The following LRP1B variants were observed in gnomAD, a reference collection of about 807,000 sequenced individuals.
LRP1B encodes the protein low-density lipoprotein receptor-related protein 1B.
LRP1B carries 217 observed loss-of-function variants against 556.6 expected under a neutral mutation model. That is an observed-to-expected ratio of 0.39 (90% CI 0.35 to 0.44). LRP1B has a LOEUF of 0.44. Among genes scored for constraint, LRP1B ranks in the 20% least tolerant of loss-of-function variants. The pLI is 1.00. For missense variants in LRP1B, 5,053 were observed against 5,620.8 expected (o/e 0.90, Z 3.23); for synonymous variants, 2,047 against 1,865.8 (o/e 1.10, Z -2.50).
intron 43 of LRP1B, among the ~76,000 whole-genome samples, chr2:140,555,029 AC>A (rs1453273685): frequency 2.0e-5 from 3 of 151,982 alleles, no homozygotes; most frequent in African/African-American, 7.2e-5. Context: ...TCAAACTCAT[AC>A]CTTTGATAAA....
chr2:140,300,879 CTGAT>C (rs1233678374), intron 83 of LRP1B, among the ~76,000 whole-genome samples: 5 of 152,026 alleles, frequency 3.3e-5, no homozygotes, highest in Non-Finnish European at 7.4e-5. Flanking sequence ...TATTTTAGCT[CTGAT>C]TATTATTATC....
chr2:140,702,622 G>T (rs994371797), intron 37 of LRP1B, 69 bp from the exon 38 acceptor site: 23 of 1,427,376 alleles, frequency 1.6e-5, no homozygotes, highest in South Asian at 1.1e-4. Context: ...TATGCAAAAA[G>T]ACATTACTAA....
At chr2:140,648,228 G>A (rs1684553101) in intron 41 of LRP1B, among the ~76,000 whole-genome samples, 1 of 151,328 alleles carries the variant, frequency 6.6e-6, no homozygotes. Flanking sequence ...TCATATGTGG[G>A]AAGTGAACAA....
chr2:141,529,571 C>T lies in LRP1B; in HGVS notation c.206-49038G>A, dbSNP rs547080739. ...ATTCTTATTCTATCCTTCAGATATT[C>T]CTGAATAATCAAACTGACTTGGATT... On this transcript the variant is annotated intron_variant, in intron 2 of 90. Transcript: ENST00000389484. 2.0e-3 allele frequency among the ~76,000 whole-genome samples: 312 copies of T among 152,208 alleles called. 2 individuals carry two copies. Among genetic ancestry groups the T allele is most frequent in the African/African-American group, 5.7e-3 (235 of 41,550 alleles).
chr2:140,293,965 A>G (rs1683502460), intron 84 of LRP1B, among the ~76,000 whole-genome samples: 1 of 152,196 alleles, frequency 6.6e-6, no homozygotes, highest in South Asian at 2.1e-4. Context: ...ACTAATAGTG[A>G]TAATAAAATT....
At chr2:141,194,899 A>G (rs1320079115) in intron 6 of LRP1B, among the ~76,000 whole-genome samples, 1 of 152,064 alleles carries the variant, frequency 6.6e-6, no homozygotes, top group East Asian at 1.9e-4. Flanking sequence ...ACTGCCCTTT[A>G]ATTTATATCT....
rs778149535 is a variant in LRP1B at position 140,274,611 on chromosome 2, G to T, written c.12968-13C>A. Reference sequence around the variant, plus strand: ...TGGTGGCACACGTCTAGGAAAAAAAGGCACAACAGAAAAATAAAATTATAT... The same window carrying T: ...TGGTGGCACACGTCTAGGAAAAAAATGCACAACAGAAAAATAAAATTATAT... On this transcript the variant is annotated splice_polypyrimidine_tract_variant and intron_variant, in intron 84 of 90. Coordinates refer to ENST00000389484, the MANE Select transcript of LRP1B (RefSeq NM_018557.3). 1.2e-6 allele frequency: 2 copies of T among 1,600,278 alleles called. No homozygotes were observed.
chr2:140,343,014 T>A (rs1006980452), intron 77 of LRP1B, among the ~76,000 whole-genome samples: 3 of 149,964 alleles, frequency 2.0e-5, no homozygotes, highest in Non-Finnish European at 4.5e-5. Context: ...ATTTTTTTTG[T>A]GTGTGGGGTG....
At chr2:140,280,237 C>G (rs1438093699) in intron 84 of LRP1B, among the ~76,000 whole-genome samples, 3 of 151,644 alleles carry the variant, frequency 2.0e-5, no homozygotes, top group Non-Finnish European at 4.4e-5. Context: ...ATTTGTTGTT[C>G]AAATTTGAAA....
chr2:140,882,745 G>T (rs1348650638), intron 25 of LRP1B, among the ~76,000 whole-genome samples: 2 of 152,128 alleles, frequency 1.3e-5, no homozygotes, highest in African/African-American at 4.8e-5. Context: ...AAGTCAGAAG[G>T]TGTGGCCAGG....
intron 3 of LRP1B, among the ~76,000 whole-genome samples, chr2:141,377,281 A>G (rs1269290759): frequency 2.0e-5 from 3 of 152,194 alleles, no homozygotes; most frequent in African/African-American, 4.8e-5. Flanking sequence ...GAATGTGTGT[A>G]TATTTTACAA....
At chr2:140,342,288 A>G (rs1681435309) in intron 77 of LRP1B, among the ~76,000 whole-genome samples, 1 of 151,322 alleles carries the variant, frequency 6.6e-6, no homozygotes, top group African/African-American at 2.4e-5. Flanking sequence ...AAGGAAAACC[A>G]TGTATTTCTT....
At chr2:140,286,774 T>C (rs1683168329) in intron 84 of LRP1B, among the ~76,000 whole-genome samples, 1 of 151,812 alleles carries the variant, frequency 6.6e-6, no homozygotes, top group Non-Finnish European at 1.5e-5. Context: ...TATACCTAAA[T>C]ATATATAACC....
At chr2:140,309,003 C>G (rs778854445) in intron 83 of LRP1B, among the ~76,000 whole-genome samples, 9 of 151,718 alleles carry the variant, frequency 5.9e-5, no homozygotes, top group African/African-American at 1.4e-4. Context: ...CTTTGTGAAT[C>G]TGTCTTGACT....
At chr2:140,548,638 A>T (rs935430906) in intron 43 of LRP1B, among the ~76,000 whole-genome samples, 1 of 152,058 alleles carries the variant, frequency 6.6e-6, no homozygotes, top group Non-Finnish European at 1.5e-5. Flanking sequence ...TCAAAATATA[A>T]ATTGTCAGGC....
At chr2:141,561,101 G>C (rs546269101) in intron 2 of LRP1B, among the ~76,000 whole-genome samples, 35 of 151,794 alleles carry the variant, frequency 2.3e-4, no homozygotes, top group Admixed American at 1.1e-3. Context: ...TTTTTGAAAT[G>C]AGGGAAATTA....
intron 29 of LRP1B, among the ~76,000 whole-genome samples, chr2:140,845,046 G>C (rs1368844812): frequency 6.6e-6 from 1 of 152,006 alleles, no homozygotes; most frequent in African/African-American, 2.4e-5. Flanking sequence ...AGATGAGTGA[G>C]AGAAAAAAGA....
chr2:141,750,857 T>A (rs549308894), intron 2 of LRP1B, among the ~76,000 whole-genome samples: 31 of 152,168 alleles, frequency 2.0e-4, no homozygotes, highest in African/African-American at 6.3e-4. Context: ...AATTCATGGA[T>A]CAAAATAAAA....
chr2:141,157,740 G>A (rs1354762633), intron 7 of LRP1B, among the ~76,000 whole-genome samples: 2 of 152,080 alleles, frequency 1.3e-5, no homozygotes, highest in Admixed American at 6.6e-5. Flanking sequence ...GTTATCATTT[G>A]TTTAACATCG....
Sources: gnomAD v4.1 joint callset for allele counts (sites outside exome capture counted in the v4.1 genomes callset) on GRCh38, gnomAD v4.1.1 for gene constraint, MANE v1.5 for transcripts, NCBI Gene and HGNC (gene_info 2026-07-23, HGNC 2026-07-21) for gene names.